The following RBFOX1 variants were observed in gnomAD, a reference collection of about 807,000 sequenced individuals.
RBFOX1 encodes the protein RNA binding protein fox-1 homolog 1.
In RBFOX1, 8 loss-of-function variants were observed where a neutral mutation model predicts 57.7. The observed-to-expected ratio is 0.14, with a 90% CI of 0.08 to 0.25. The LOEUF (loss-of-function observed/expected upper bound fraction) is 0.25. Ranked by LOEUF, RBFOX1 falls within the 10% of genes least tolerant of loss-of-function variation. The pLI is 1.00. For synonymous variants in RBFOX1, 326 were observed against 222.4 expected (o/e 1.47, Z -4.15); for missense variants, 611 against 548.5 (o/e 1.11, Z -1.14).
At chr16:5,327,860 C>G (rs548916861) in intron 1 of RBFOX1, among the ~76,000 whole-genome samples, 100 of 152,204 alleles carry the variant, frequency 6.6e-4, no homozygotes, top group Non-Finnish European at 1.1e-3. Context: ...TCTTTGTAAG[C>G]TGAATGGTTC....
intron 4 of RBFOX1, among the ~76,000 whole-genome samples, chr16:7,218,527 C>G (rs984773695): frequency 6.6e-6 from 1 of 152,026 alleles, no homozygotes; most frequent in Non-Finnish European, 1.5e-5. Flanking sequence ...CACTCTTTTA[C>G]CAGCATTCAC....
At chr16:6,458,530 TA>T (rs1463239602) in intron 2 of RBFOX1, among the ~76,000 whole-genome samples, 1 of 152,186 alleles carries the variant, frequency 6.6e-6, no homozygotes, top group East Asian at 1.9e-4. Context: ...TTCATCACAG[TA>T]AACAACTTGG....
chr16:7,537,288 G>T (rs2081710519), intron 5 of RBFOX1, among the ~76,000 whole-genome samples: 1 of 152,194 alleles, frequency 6.6e-6, no homozygotes, highest in African/African-American at 2.4e-5. Flanking sequence ...ATCTGCCAGA[G>T]CTCTCTGTAA....
chr16:7,224,340 C>G (rs977738058), intron 4 of RBFOX1, among the ~76,000 whole-genome samples: 3 of 152,084 alleles, frequency 2.0e-5, no homozygotes, highest in South Asian at 4.1e-4. Flanking sequence ...TATACTAATT[C>G]TACCAAAAGC....
intron 2 of RBFOX1, among the ~76,000 whole-genome samples, chr16:6,373,252 G>C (rs1172194137): frequency 6.6e-6 from 1 of 151,778 alleles, no homozygotes; most frequent in African/African-American, 2.4e-5. Context: ...TAGGAGGATA[G>C]TGTAGAATGA....
At chr16:7,401,968 T>A (rs576222424) in intron 4 of RBFOX1, among the ~76,000 whole-genome samples, 53 of 152,208 alleles carry the variant, frequency 3.5e-4, no homozygotes, top group Non-Finnish European at 6.6e-4. Flanking sequence ...TAATAATACA[T>A]CAAGCATGCA....
At chr16:5,663,950 C>T (rs914271307) in intron 3 of RBFOX1, among the ~76,000 whole-genome samples, 1 of 152,168 alleles carries the variant, frequency 6.6e-6, no homozygotes, top group Non-Finnish European at 1.5e-5. Context: ...CAGGGACAAG[C>T]CAGCACTCGA....
chr16:5,666,601 G>C (rs1179828701), intron 3 of RBFOX1, among the ~76,000 whole-genome samples: 1 of 152,222 alleles, frequency 6.6e-6, no homozygotes, highest in Non-Finnish European at 1.5e-5. Context: ...TAAAGACTGT[G>C]ATAGAATCCA....
intron 2 of RBFOX1, among the ~76,000 whole-genome samples, chr16:6,498,987 A>C (rs2095847838): frequency 6.6e-6 from 1 of 152,234 alleles, no homozygotes; most frequent in Non-Finnish European, 1.5e-5. Flanking sequence ...CTTATGGTTA[A>C]TGCAACAGTG....
chr16:6,642,878 A>G (rs1047970998), intron 2 of RBFOX1, among the ~76,000 whole-genome samples: 8 of 152,168 alleles, frequency 5.3e-5, no homozygotes, highest in African/African-American at 1.9e-4. Context: ...AACTAAGGTA[A>G]ACTTTACTCC....
intron 4 of RBFOX1, among the ~76,000 whole-genome samples, chr16:5,985,209 G>A (rs2060262732): frequency 6.6e-6 from 1 of 151,252 alleles, no homozygotes; most frequent in Admixed American, 6.6e-5. Flanking sequence ...AGCCAGGATG[G>A]TCTCGATCTC....
chr16:6,361,696 T>G (rs1006078382), intron 2 of RBFOX1, among the ~76,000 whole-genome samples: 1 of 151,980 alleles, frequency 6.6e-6, no homozygotes, highest in Non-Finnish European at 1.5e-5. Context: ...CTGGAGAGCT[T>G]TACAAACCCC....
chr16:6,688,869 T>G (rs371181732), intron 3 of RBFOX1, among the ~76,000 whole-genome samples: 1 of 152,158 alleles, frequency 6.6e-6, no homozygotes, highest in Non-Finnish European at 1.5e-5. Flanking sequence ...CTCCCACTTA[T>G]GAGGGAGAAC....
chr16:5,556,610 G>A (rs2045686448), intron 2 of RBFOX1, among the ~76,000 whole-genome samples: 1 of 152,244 alleles, frequency 6.6e-6, no homozygotes, highest in Admixed American at 6.5e-5. Flanking sequence ...GAGCTGCAGA[G>A]GATGCCAACC....
chr16:7,064,237 CT>C (rs1490428820), intron 4 of RBFOX1, among the ~76,000 whole-genome samples: 1 of 139,740 alleles, frequency 7.2e-6, no homozygotes, highest in African/African-American at 2.7e-5. Context: ...GGCGTGATCT[CT>C]GCTCACTGCA....
In RBFOX1 at chr16:6,467,976, G is replaced by C. The variant is rs192182589; in HGVS notation, c.-64+150919G>C. ...TGCTTTCTTTTTAATGTTTCTAATG[G>C]TCATCTTAGCACCAGAGCCTCTTTG... is the stretch of plus-strand genomic sequence containing the variant. On this transcript the variant is annotated intron_variant, in intron 2 of 15. Transcript: ENST00000550418. Among the ~76,000 whole-genome samples the C allele has an allele frequency of 6.2e-4, 95 of 152,272 alleles. 1 individual carries two copies. The highest frequency in any genetic ancestry group is 1.7e-4 in the African/African-American group (7 of 41,558).
intron 2 of RBFOX1, among the ~76,000 whole-genome samples, chr16:6,398,683 T>C (rs1369427131): frequency 6.6e-6 from 1 of 152,234 alleles, no homozygotes. Flanking sequence ...TGGGCCCCCA[T>C]GGCCTTGGGC....
In RBFOX1 at chr16:6,577,256, G is replaced by A. The variant is rs2097454055; in HGVS notation, c.-63-77347G>A. 2.6e-5 allele frequency: 4 copies of A among 152,270 alleles called. No individual in the cohort carries two copies. In the South Asian group the frequency reaches 6.2e-4, roughly 24 times the overall value. 9.4% of individuals were successfully genotyped at this position (152,270 alleles called of 1,614,324 possible). A position where few individuals can be genotyped will look rare whatever the true frequency, so the allele number is the denominator to read the frequency against. On this transcript the variant is annotated intron_variant, in intron 2 of 15. Transcript: ENST00000550418. Reference sequence around the variant, plus strand: ...TGGAGGGTGTCTGTAATAGCATCTAGCATTGCCTAACATCATACTAATGGA... The same window carrying A: ...TGGAGGGTGTCTGTAATAGCATCTAACATTGCCTAACATCATACTAATGGA...
intron 3 of RBFOX1, among the ~76,000 whole-genome samples, chr16:6,733,698 C>A (rs1286495204): frequency 2.6e-5 from 4 of 152,086 alleles, no homozygotes; most frequent in Non-Finnish European, 2.9e-5. Context: ...GTTGAGGCTG[C>A]AGTGAACTGA....
Sources: gnomAD v4.1 joint callset for allele counts (sites outside exome capture counted in the v4.1 genomes callset) on GRCh38, gnomAD v4.1.1 for gene constraint, MANE v1.5 for transcripts, NCBI Gene and HGNC (gene_info 2026-07-23, HGNC 2026-07-21) for gene names.